ITGA4: variants seen among roughly 807,000 people sequenced by gnomAD.
ITGA4 encodes integrin alpha-4.
In ITGA4, 63 loss-of-function variants were observed where a neutral mutation model predicts 133.6. The observed-to-expected ratio is 0.47, with a 90% confidence interval of 0.38 to 0.58. The LOEUF (loss-of-function observed/expected upper bound fraction) is 0.58. ITGA4 is among the 20% of genes least tolerant of loss of function. The pLI is 0.00. For synonymous variants in ITGA4, 483 were observed against 438.0 expected (o/e 1.10, Z -1.28); for missense variants, 1,076 against 1,252.7 (o/e 0.86, Z 2.13).
intron 17 of ITGA4, among the ~76,000 whole-genome samples, chr2:181,515,006 G>A (rs1373503927): frequency 1.3e-5 from 2 of 152,016 alleles, no homozygotes; most frequent in African/African-American, 2.4e-5. Flanking sequence ...TTGTCTCTGA[G>A]CCACCTTTAT....
chr2:181,514,951 G>C (rs1686577162), intron 17 of ITGA4, among the ~76,000 whole-genome samples: 1 of 151,936 alleles, frequency 6.6e-6, no homozygotes, highest in African/African-American at 2.4e-5. Flanking sequence ...TTTTTAAATG[G>C]CATAATGATT....
intron 9 of ITGA4, among the ~76,000 whole-genome samples, chr2:181,483,327 G>A (rs180733086): frequency 4.1e-4 from 62 of 152,240 alleles, no homozygotes; most frequent in African/African-American, 1.4e-3. Flanking sequence ...TAGATTCTTG[G>A]CGTTAAGTCA....
At chr2:181,519,191 G>T (rs1238793594) in intron 17 of ITGA4, among the ~76,000 whole-genome samples, 1 of 151,918 alleles carries the variant, frequency 6.6e-6, no homozygotes, top group Non-Finnish European at 1.5e-5. Context: ...ACAAAATTTT[G>T]AATAAAAGCC....
At chr2:181,510,142 T>A (rs185095101) in intron 16 of ITGA4, among the ~76,000 whole-genome samples, 8 of 152,248 alleles carry the variant, frequency 5.3e-5, no homozygotes, top group African/African-American at 1.7e-4. Context: ...TTCAGTGTCA[T>A]CATGTGTCCT....
intron 15 of ITGA4, chr2:181,499,014 C>A: frequency 2.6e-6 from 1 of 381,516 alleles, no homozygotes; most frequent in Non-Finnish European, 3.6e-6. Context: ...CATTTGAAAA[C>A]ACTTGCCTTT....
chr2:181,482,649 T>A lies in ITGA4; in HGVS notation c.1039T>A (p.Ser347Thr). The change falls in exon 9 of 28, where the codon TCG becomes ACG. Residue 347 changes from serine to threonine, a missense_variant and splice_region_variant. Transcript: ENST00000397033. ...GRVFVYINSG[S>T]GAVMNAMETN... ...AGTGTTTGTGTACATCAACTCTGGC[T>A]CGGTATGTCCAAGTGCCCCAACTGG... 6.2e-7 allele frequency: 1 copy of A among 1,613,516 alleles called. No homozygotes were observed. Among genetic ancestry groups the A allele is most frequent in the African/African-American group, 1.3e-5 (1 of 75,028 alleles).
intron 10 of ITGA4, 57 bp from the exon 11 acceptor site, chr2:181,493,268 G>T (rs1366267869): frequency 2.9e-5 from 34 of 1,175,432 alleles, no homozygotes; most frequent in Non-Finnish European, 3.9e-5. Context: ...GTTAGTTTTC[G>T]AAGTTGCATT....
chr2:181,536,354 CAA>C lies in ITGA4; in HGVS notation c.*830_*831del, dbSNP rs1019529814. ...TCAAATCTTTTGTTATATTCTGAAA[CAA>C]AAGATTGTGAGTGTTGCACTTTACC... is the stretch of plus-strand genomic sequence containing the variant. On this transcript the variant is annotated 3_prime_UTR_variant, in exon 28 of 28. Coordinates refer to ENST00000397033, the MANE Select transcript of ITGA4 (RefSeq NM_000885.6). Among the ~76,000 whole-genome samples, 1 of 150,946 alleles carries C rather than the reference CAA, an allele frequency of 6.6e-6. No individual in the cohort carries two copies. Among genetic ancestry groups the C allele is most frequent in the Non-Finnish European group, 1.5e-5 (1 of 67,450 alleles).
At chr2:181,457,311 G>A (rs1055408845), upstream of ITGA4, 3 of 235,386 alleles carry the variant, frequency 1.3e-5, no homozygotes, top group Admixed American at 6.1e-5. Context: ...CTGCAGCCGC[G>A]CGTAGGCAGA....
At position 181,537,013 on chromosome 2, in the gene ITGA4, G is replaced by C. The variant is rs1233183760; in HGVS notation, c.*1486G>C. 2.2e-6 allele frequency: 1 copy of C among 446,802 alleles called. No individual in the cohort carries two copies. Among genetic ancestry groups the C allele is most frequent in the Non-Finnish European group, 4.5e-6 (1 of 223,452 alleles). The allele number at this position is 446,802 out of a possible 1,614,324, so 27.7% of individuals were successfully genotyped here. A position where few individuals can be genotyped will look rare whatever the true frequency, so the allele number is the denominator to read the frequency against. On this transcript the variant is annotated 3_prime_UTR_variant, in exon 28 of 28. Transcript: ENST00000397033. ...GTTCACAGGCCTGCAGTGATGGTGA[G>C]GAATGTTCTGAGATTTGCGAAGGCA...
intron 25 of ITGA4, among the ~76,000 whole-genome samples, chr2:181,532,367 T>C (rs976818112): frequency 1.3e-5 from 2 of 152,222 alleles, no homozygotes; most frequent in African/African-American, 2.4e-5. Context: ...TTTCACGATA[T>C]TGATTCTTCC....
At chr2:181,464,194 T>G (rs896403626) in intron 2 of ITGA4, among the ~76,000 whole-genome samples, 3 of 151,954 alleles carry the variant, frequency 2.0e-5, no homozygotes, top group Non-Finnish European at 4.4e-5. Context: ...AAGAGGTGAG[T>G]AGTTGGCAGT....
Position 181,475,086 on chromosome 2 carries a change from C to T in ITGA4, c.426+20C>T. Reference sequence around the variant, plus strand: ...ATCGTGGTAGGTATTGGAACTGGTCCACAGATCCATCGTGAAATCAGCTAT... The same window carrying T: ...ATCGTGGTAGGTATTGGAACTGGTCTACAGATCCATCGTGAAATCAGCTAT... On this transcript the variant is annotated intron_variant, in intron 3 of 27. Transcript: ENST00000397033. 6.2e-7 allele frequency: 1 copy of T among 1,610,008 alleles called. No homozygotes were observed. Among genetic ancestry groups the T allele is most frequent in the Non-Finnish European group, 8.5e-7 (1 of 1,176,382 alleles).
intron 9 of ITGA4, 119 bp downstream of exon 9, chr2:181,482,770 T>C: frequency 1.2e-6 from 1 of 869,262 alleles, no homozygotes; most frequent in African/African-American, 1.7e-5. Flanking sequence ...AAGTTAAAAT[T>C]CTAATACTGT....
At position 181,460,566 on chromosome 2, in the gene ITGA4, A is replaced by AGTGTGTGTGTGTGT. The variant is rs61016862; in HGVS notation, c.319+2273_319+2286dup. 3.6e-4 allele frequency among the ~76,000 whole-genome samples: 54 copies of AGTGTGTGTGTGTGT among 148,060 alleles called. No individual in the cohort carries two copies. The East Asian group carries it at 7.8e-3, about 21-fold the overall frequency. Reference sequence around the variant, plus strand: ...ATATATAAGCCATCTTCTGTAGAAGAGTGTGTGTGTGTGTGTGTGTGTGTG... The same window carrying AGTGTGTGTGTGTGT: ...ATATATAAGCCATCTTCTGTAGAAGAGTGTGTGTGTGTGTGTGTGTGTGTGTGTGTGTGTGTGTG... On this transcript the variant is annotated intron_variant, in intron 2 of 27. Transcript: ENST00000397033.
chr2:181,538,319 T>A lies in ITGA4; in HGVS notation c.*2792T>A. 3 of 806,704 alleles carry A rather than the reference T, an allele frequency of 3.7e-6. 1 individual carries two copies. In the South Asian group the frequency reaches 4.5e-5, roughly 12 times the overall value. 50.0% of individuals were successfully genotyped at this position (806,704 alleles called of 1,614,324 possible). A position where few individuals can be genotyped will look rare whatever the true frequency, so the allele number is the denominator to read the frequency against. ...TACACCTAATAAGTATGGTACACAA[T>A]GCCAATGCCAAATACAAATTGATAA... On this transcript the variant is annotated 3_prime_UTR_variant, in exon 28 of 28. Transcript: ENST00000397033.
intron 2 of ITGA4, among the ~76,000 whole-genome samples, chr2:181,471,638 G>A (rs1240752535): frequency 6.6e-6 from 1 of 151,990 alleles, no homozygotes; most frequent in Non-Finnish European, 1.5e-5. Context: ...CTATTGTTTG[G>A]AACCACATTG....
Position 181,537,040 on chromosome 2 carries a change from T to TTGAG in ITGA4, c.*1515_*1518dup, listed in dbSNP as rs1559062715. On this transcript the variant is annotated 3_prime_UTR_variant, in exon 28 of 28. Coordinates refer to ENST00000397033, the MANE Select transcript of ITGA4 (RefSeq NM_000885.6). ...AATGTTCTGAGATTTGCGAAGGCAT[T>TTGAG]TGAGTAGTGAAATGTAAGCACAAAA... 1 of 444,818 alleles carries TTGAG rather than the reference T, an allele frequency of 2.2e-6. No individual in the cohort carries two copies. The highest frequency in any genetic ancestry group is 2.4e-5 in the Admixed American group (1 of 41,604). 27.6% of individuals were successfully genotyped at this position (444,818 alleles called of 1,614,324 possible).
At chr2:181,463,632 A>C (rs1685340749) in intron 2 of ITGA4, among the ~76,000 whole-genome samples, 1 of 152,030 alleles carries the variant, frequency 6.6e-6, no homozygotes, top group Non-Finnish European at 1.5e-5. Context: ...ATACTGAAAA[A>C]GGGAAGAGCA....
Sources: gnomAD v4.1 joint callset for allele counts (sites outside exome capture counted in the v4.1 genomes callset) on GRCh38, gnomAD v4.1.1 for gene constraint, MANE v1.5 for transcripts, NCBI Gene and HGNC (gene_info 2026-07-23, HGNC 2026-07-21) for gene names.